KIDINS220: variants seen among roughly 807,000 people sequenced by gnomAD.
KIDINS220 encodes kinase D interacting substrate 220, also known as kinase D-interacting substrate of 220 kDa.
A neutral mutation model predicts 157.6 loss-of-function variants in KIDINS220; 63 were observed. That is an observed-to-expected ratio of 0.40 (90% CI 0.33 to 0.49). The LOEUF (loss-of-function observed/expected upper bound fraction) is 0.49, where lower values mean the gene tolerates loss of function less well. Among genes scored for constraint, KIDINS220 ranks in the 20% least tolerant of loss-of-function variants. KIDINS220 has a pLI of 0.66. For synonymous variants in KIDINS220, 732 were observed against 783.6 expected, an observed-to-expected ratio of 0.93 and a Z score of 1.10; for missense variants, 1,772 against 2,171.2, an observed-to-expected ratio of 0.82 and a Z score of 3.65.
intron 25 of KIDINS220, 139 bp from the exon 26 acceptor site, chr2:8,747,340 A>T (rs1666725886): frequency 4.2e-6 from 3 of 714,862 alleles, no homozygotes; most frequent in Non-Finnish European, 4.9e-6. Context: ...ATTTATAAAA[A>T]CATATTAATA....
At chr2:8,722,021 G>A (rs1662986243), downstream of KIDINS220, 2 of 152,144 alleles carry the variant, frequency 1.3e-5, no homozygotes, top group Non-Finnish European at 2.9e-5. Context: ...AACACAAAAT[G>A]TTGAATTTGG....
At chr2:8,744,425 T>A (rs1412045688) in intron 26 of KIDINS220, among the ~76,000 whole-genome samples, 4 of 93,730 alleles carry the variant, frequency 4.3e-5, no homozygotes, top group African/African-American at 1.7e-4. Context: ...TATATATATA[T>A]ATATATATAT....
At chr2:8,831,746 CCT>C (rs754932630) in intron 1 of KIDINS220, among the ~76,000 whole-genome samples, 2 of 152,186 alleles carry the variant, frequency 1.3e-5, no homozygotes, top group African/African-American at 2.4e-5. Context: ...AAAAGCAGCC[CCT>C]GACTGTCGGG....
At chr2:8,758,167 A>G (rs1261244320) in intron 22 of KIDINS220, among the ~76,000 whole-genome samples, 5 of 152,170 alleles carry the variant, frequency 3.3e-5, no homozygotes. Context: ...CCAGCCCTGT[A>G]TGGCTTTTAT....
intron 1 of KIDINS220, among the ~76,000 whole-genome samples, chr2:8,833,819 T>A (rs76776430): frequency 2.4e-3 from 369 of 152,332 alleles, no homozygotes; most frequent in African/African-American, 8.6e-3. Flanking sequence ...AAAAAATTTA[T>A]GTTGTAGTAA....
At chr2:8,791,949 C>T (rs1673244935) in intron 12 of KIDINS220, among the ~76,000 whole-genome samples, 1 of 151,870 alleles carries the variant, frequency 6.6e-6, no homozygotes, top group African/African-American at 2.4e-5. Flanking sequence ...AAATGTAAAA[C>T]AATAATTTGA....
Position 8,832,296 on chromosome 2 carries a change from G to T in KIDINS220, c.-36-5167C>A, listed in dbSNP as rs1400749641. ...TCTTTGACTAGAGGGCACTGACAGTGTTTAATAAATTTCACTGAATAATTG... is the reference window on the plus strand; with the variant it reads ...TCTTTGACTAGAGGGCACTGACAGTTTTTAATAAATTTCACTGAATAATTG... On this transcript the variant is annotated intron_variant, in intron 1 of 29. Transcript: ENST00000256707. Among the ~76,000 whole-genome samples the T allele has an allele frequency of 2.0e-5, 3 of 152,176 alleles. No homozygotes were observed. In the South Asian group the frequency reaches 6.2e-4, roughly 31 times the overall value.
intron 21 of KIDINS220, 52 bp from the exon 22 acceptor site, chr2:8,770,884 T>C: frequency 9.3e-7 from 1 of 1,075,182 alleles, no homozygotes; most frequent in Non-Finnish European, 1.3e-6. Flanking sequence ...TGATAGTATG[T>C]TAAGTAAAAC....
intron 26 of KIDINS220, among the ~76,000 whole-genome samples, chr2:8,744,422 A>C (rs1476021506): frequency 4.3e-5 from 4 of 94,110 alleles, no homozygotes; most frequent in Non-Finnish European, 8.3e-5. Flanking sequence ...ATATATATAT[A>C]TATATATATA....
Position 8,803,091 on chromosome 2 carries a change from C to T in KIDINS220, c.640G>A (p.Gly214Ser), listed in dbSNP as rs761839068. ...MTALIVAVKG[G>S]YTQSVKEILK... ...ATTTCTTTTACTGACTGTGTGTAACCTCCTTTCACTGCCACAATAAGTGCA... is the reference window on the plus strand; with the variant it reads ...ATTTCTTTTACTGACTGTGTGTAACTTCCTTTCACTGCCACAATAAGTGCA... Residue 214 changes from glycine (G) to serine (S), a missense_variant, in exon 8 of 30, where the codon GGT becomes AGT. By Grantham distance (56) the Gly-to-Ser change is moderately conservative. Transcript: ENST00000256707. 1.2e-6 allele frequency: 2 copies of T among 1,611,938 alleles called. No individual in the cohort carries two copies. The highest frequency in any genetic ancestry group is 1.7e-6 in the Non-Finnish European group (2 of 1,179,864).
intron 23 of KIDINS220, among the ~76,000 whole-genome samples, chr2:8,750,963 G>A (rs1667268541): frequency 6.6e-6 from 1 of 152,198 alleles, no homozygotes; most frequent in African/African-American, 2.4e-5. Flanking sequence ...GGTACCTCCA[G>A]AACTTCATTT....
intron 22 of KIDINS220, among the ~76,000 whole-genome samples, chr2:8,760,073 C>A (rs1040441024): frequency 6.6e-6 from 1 of 152,174 alleles, no homozygotes; most frequent in African/African-American, 2.4e-5. Context: ...GGCTCAAAAT[C>A]CCTCAGGTAA....
chr2:8,785,640 C>T, intron 17 of KIDINS220, 101 bp downstream of exon 17: 1 of 955,598 alleles, frequency 1.0e-6, no homozygotes, highest in African/African-American at 1.6e-5. Flanking sequence ...ATAAATGCAA[C>T]ACTTTAACAT....
At chr2:8,790,925 C>T (rs1673099260) in intron 13 of KIDINS220, 135 bp downstream of exon 13, 1 of 649,656 alleles carries the variant, frequency 1.5e-6, no homozygotes, top group Admixed American at 3.3e-5. Context: ...AAGGACCAAC[C>T]AGAGGGGAGT....
At chr2:8,775,180 C>A (rs533303474) in intron 21 of KIDINS220, among the ~76,000 whole-genome samples, 2 of 152,224 alleles carry the variant, frequency 1.3e-5, no homozygotes, top group African/African-American at 4.8e-5. Context: ...GTCAGAGAAT[C>A]AAACATTCAA....
intron 2 of KIDINS220, among the ~76,000 whole-genome samples, chr2:8,825,362 G>C (rs1572821749): frequency 3.6e-4 from 1 of 2,778 alleles, no homozygotes; most frequent in East Asian, 9.1e-3. Flanking sequence ...GACAGAGTGA[G>C]ACTCCGTCTC....
At chr2:8,763,972 G>T (rs1216478155) in intron 22 of KIDINS220, among the ~76,000 whole-genome samples, 1 of 152,208 alleles carries the variant, frequency 6.6e-6, no homozygotes, top group Non-Finnish European at 1.5e-5. Flanking sequence ...ATTCACAATT[G>T]CAAAGATGTG....
intron 22 of KIDINS220, among the ~76,000 whole-genome samples, chr2:8,770,413 T>C (rs1279528958): frequency 4.6e-5 from 7 of 151,980 alleles, no homozygotes; most frequent in African/African-American, 1.7e-4. Flanking sequence ...TTCTAAAAAA[T>C]TTTTTAAAAT....
chr2:8,825,654 ATAT>A (rs1436448058), intron 2 of KIDINS220: 1 of 152,206 alleles, frequency 6.6e-6, no homozygotes. Context: ...CTGGCAAGAA[ATAT>A]TATACTCTTG....
Sources: gnomAD v4.1 joint callset for allele counts (sites outside exome capture counted in the v4.1 genomes callset) on GRCh38, gnomAD v4.1.1 for gene constraint, MANE v1.5 for transcripts, NCBI Gene and HGNC (gene_info 2026-07-23, HGNC 2026-07-21) for gene names.